Variants in HSPBAP1 observed in about 807,000 individuals in gnomAD.
HSPBAP1 encodes HSPB1 associated protein 1, also known as HSPB1-associated protein 1.
Under a neutral mutation model 45.2 loss-of-function variants are expected in HSPBAP1, and 27 were observed. That is an observed-to-expected ratio of 0.60 (90% CI 0.44 to 0.82). The LOEUF (loss-of-function observed/expected upper bound fraction) is 0.82. Ranked by LOEUF, HSPBAP1 falls within the 40% of genes least tolerant of loss-of-function variation. The probability of loss-of-function intolerance (pLI) is 0.00; values close to 1 mark genes in which losing one functional copy is unlikely to be tolerated. For synonymous variants in HSPBAP1, 204 were observed against 202.7 expected, an observed-to-expected ratio of 1.01 and a Z score of -0.06; for missense variants, 510 against 590.9, an observed-to-expected ratio of 0.86 and a Z score of 1.42.
chr3:122,752,773 C>G (rs989481618), intron 5 of HSPBAP1, 99 bp from the exon 6 acceptor site: 2 of 1,403,820 alleles, frequency 1.4e-6, no homozygotes, highest in African/African-American at 2.9e-5. Flanking sequence ...AAAAGGAATA[C>G]AAATGAATTC....
At chr3:122,775,332 G>C (rs1366447118) in intron 2 of HSPBAP1, among the ~76,000 whole-genome samples, 1 of 152,038 alleles carries the variant, frequency 6.6e-6, no homozygotes, top group East Asian at 1.9e-4. Context: ...ATGGGCAAAG[G>C]ATTTGAATAG....
At chr3:122,743,030 C>T (rs761489019) in intron 6 of HSPBAP1, among the ~76,000 whole-genome samples, 3 of 152,240 alleles carry the variant, frequency 2.0e-5, no homozygotes, top group Non-Finnish European at 2.9e-5. Context: ...CTCAGAGAAA[C>T]AGAACCAACA....
intron 1 of HSPBAP1, among the ~76,000 whole-genome samples, chr3:122,780,723 T>C (rs1205665851): frequency 1.8e-4 from 24 of 132,934 alleles, no homozygotes; most frequent in African/African-American, 6.1e-4. Context: ...CCAGACGGGG[T>C]GGCTGCCGGG....
intron 6 of HSPBAP1, among the ~76,000 whole-genome samples, chr3:122,747,861 G>A (rs1426640203): frequency 2.6e-5 from 4 of 152,004 alleles, no homozygotes; most frequent in South Asian, 2.1e-4. Flanking sequence ...GTGCCCGGCC[G>A]CCACCCCGTC....
intron 3 of HSPBAP1, among the ~76,000 whole-genome samples, chr3:122,765,834 G>C (rs1035215109): frequency 6.6e-6 from 1 of 152,172 alleles, no homozygotes; most frequent in African/African-American, 2.4e-5. Flanking sequence ...GATTTTATAA[G>C]AGTAGAGAGT....
chr3:122,747,486 C>T lies in HSPBAP1; in HGVS notation c.825+5105G>A, dbSNP rs910556446. On this transcript the variant is annotated intron_variant, in intron 6 of 7. Coordinates refer to ENST00000306103, the MANE Select transcript of HSPBAP1 (RefSeq NM_024610.6). ...CAGCCGCCCTGTCTGGGAGGGAGGT[C>T]GGGGGGGTCAGCCCCCCTCCCGGCC... Among the ~76,000 whole-genome samples the T allele has an allele frequency of 6.2e-4, 88 of 141,804 alleles. 1 individual carries two copies. The highest frequency in any genetic ancestry group is 2.1e-3 in the African/African-American group (81 of 37,902). The allele number at this position is 141,804 out of a possible 152,430, so 93.0% of individuals were successfully genotyped here.
At chr3:122,747,173 T>C (rs1933903235) in intron 6 of HSPBAP1, among the ~76,000 whole-genome samples, 1 of 144,350 alleles carries the variant, frequency 6.9e-6, no homozygotes, top group Admixed American at 6.9e-5. Flanking sequence ...GTGAGGAGCA[T>C]CTCTGCCCGG....
chr3:122,747,048 A>C lies in HSPBAP1; in HGVS notation c.825+5543T>G, dbSNP rs551799263. On this transcript the variant is annotated intron_variant, in intron 6 of 7. Transcript: ENST00000306103. ...CCTGCCTTGGCCTCCCAAAGTGCCG[A>C]GATTGCAGCCTCTGCCCGGCCGCCA... Among the ~76,000 whole-genome samples the C allele has an allele frequency of 1.2e-4, 19 of 152,216 alleles. No homozygotes were observed. In the East Asian group the frequency reaches 3.7e-3, roughly 29 times the overall value.
intron 5 of HSPBAP1, chr3:122,753,495 T>C (rs1238516763): frequency 1.1e-5 from 11 of 982,178 alleles, no homozygotes; most frequent in Admixed American, 6.2e-5. Context: ...CAGGAGATAC[T>C]TGCAAAGGTC....
At chr3:122,776,801 G>C (rs1576266007) in intron 2 of HSPBAP1, among the ~76,000 whole-genome samples, 5 of 152,290 alleles carry the variant, frequency 3.3e-5, no homozygotes, top group Admixed American at 3.3e-4. Flanking sequence ...AGGGGTTCCA[G>C]ACACCAAAAA....
chr3:122,742,108 A>G (rs1015294921), intron 6 of HSPBAP1, among the ~76,000 whole-genome samples: 7 of 151,234 alleles, frequency 4.6e-5, no homozygotes, highest in Non-Finnish European at 8.8e-5. Context: ...TTGAACACTG[A>G]ATCATCCATC....
At chr3:122,780,411 C>T (rs1388683216) in intron 1 of HSPBAP1, among the ~76,000 whole-genome samples, 6 of 97,250 alleles carry the variant, frequency 6.2e-5, no homozygotes, top group Admixed American at 1.1e-4. Flanking sequence ...CTGGACGGGG[C>T]GGCTGGCCGG....
chr3:122,740,195 G>C lies in HSPBAP1; in HGVS notation c.*150C>G, dbSNP rs1933606436. 1 of 469,508 alleles carries C rather than the reference G, an allele frequency of 2.1e-6. No individual in the cohort carries two copies. Among genetic ancestry groups the C allele is most frequent in the African/African-American group, 2.0e-5 (1 of 49,842 alleles). The allele number at this position is 469,508 out of a possible 1,614,324, so 29.1% of individuals were successfully genotyped here. On this transcript the variant is annotated 3_prime_UTR_variant, in exon 8 of 8. Coordinates refer to ENST00000306103, the MANE Select transcript of HSPBAP1 (RefSeq NM_024610.6). ...CCAAAGAGGAATGTGCATGAAAGAA[G>C]GTGGCAACAGACTGACATGTAATTC... is the stretch of plus-strand genomic sequence containing the variant.
chr3:122,757,990 C>T (rs1934418229), intron 4 of HSPBAP1, among the ~76,000 whole-genome samples: 2 of 152,198 alleles, frequency 1.3e-5, no homozygotes, highest in Admixed American at 6.5e-5. Context: ...ATTCTATGCC[C>T]TTTAATAAAG....
At chr3:122,778,271 T>C (rs1935260281) in intron 1 of HSPBAP1, among the ~76,000 whole-genome samples, 1 of 150,900 alleles carries the variant, frequency 6.6e-6, no homozygotes, top group African/African-American at 2.4e-5. Context: ...TTAGAAATTA[T>C]GATTTAACTT....
intron 3 of HSPBAP1, among the ~76,000 whole-genome samples, chr3:122,763,278 G>A (rs535483164): frequency 1.3e-5 from 2 of 152,348 alleles, no homozygotes; most frequent in East Asian, 3.9e-4. Flanking sequence ...CTGAGAATGA[G>A]GGTGTAGGGA....
intron 1 of HSPBAP1, among the ~76,000 whole-genome samples, chr3:122,780,541 T>C (rs1179633183): frequency 2.3e-5 from 3 of 131,400 alleles, no homozygotes; most frequent in African/African-American, 9.9e-5. Flanking sequence ...ACGGGGCGGC[T>C]GGCCGGACGG....
chr3:122,772,971 C>T (rs549475814), intron 2 of HSPBAP1, among the ~76,000 whole-genome samples: 2 of 151,994 alleles, frequency 1.3e-5, no homozygotes, highest in South Asian at 2.1e-4. Context: ...GCCTCAGCTT[C>T]CTGAGTAGCT....
intron 3 of HSPBAP1, among the ~76,000 whole-genome samples, chr3:122,768,419 A>C (rs904403432): frequency 6.6e-6 from 1 of 152,230 alleles, no homozygotes; most frequent in African/African-American, 2.4e-5. Context: ...TACACAATCT[A>C]TGCTTCTAAC....
Sources: allele counts gnomAD v4.1 joint callset (sites outside exome capture counted in the v4.1 genomes callset), GRCh38; gene constraint gnomAD v4.1.1; transcripts MANE v1.5; gene names NCBI Gene and HGNC (gene_info 2026-07-23, HGNC 2026-07-21).